Variants in ITPK1 observed in about 807,000 individuals in gnomAD.
ITPK1 encodes the protein inositol-tetrakisphosphate 1-kinase, also known as inositol 1,3,4-trisphosphate 5/6-kinase.
A neutral mutation model predicts 45.3 loss-of-function variants in ITPK1; 21 were observed. The ratio of observed to expected loss-of-function variants is 0.46; its 90% CI spans 0.33 to 0.67. The LOEUF (loss-of-function observed/expected upper bound fraction) is 0.67. Ranked by LOEUF, ITPK1 falls within the 30% of genes least tolerant of loss-of-function variation. ITPK1 has a pLI of 0.02. For missense variants in ITPK1, 474 were observed against 573.5 expected, an observed-to-expected ratio of 0.83 and a Z score of 1.77; for synonymous variants, 258 against 253.6, an observed-to-expected ratio of 1.02 and a Z score of -0.16.
intron 4 of ITPK1, among the ~76,000 whole-genome samples, chr14:92,999,130 T>G (rs1595123744): frequency 6.6e-6 from 1 of 152,358 alleles, no homozygotes; most frequent in East Asian, 1.9e-4. Flanking sequence ...CCATCTGCCC[T>G]AGGCCTGTGC....
intron 2 of ITPK1, among the ~76,000 whole-genome samples, chr14:93,099,477 C>T (rs1408902365): frequency 6.6e-6 from 1 of 152,206 alleles, no homozygotes; most frequent in Non-Finnish European, 1.5e-5. Context: ...TGTCATCCTT[C>T]TCCAGGAACT....
chr14:93,047,535 G>C (rs1464127944), intron 3 of ITPK1, among the ~76,000 whole-genome samples: 2 of 152,210 alleles, frequency 1.3e-5, no homozygotes, highest in Non-Finnish European at 2.9e-5. Flanking sequence ...CGGCCAAGTG[G>C]GGATGGAGGC....
intron 5 of ITPK1, among the ~76,000 whole-genome samples, chr14:92,981,579 G>T (rs1013373123): frequency 8.5e-5 from 13 of 152,190 alleles, no homozygotes; most frequent in Non-Finnish European, 1.9e-4. Context: ...TCTGCTCAGA[G>T]CCTCCCCCAG....
intron 2 of ITPK1, among the ~76,000 whole-genome samples, chr14:93,091,618 G>A (rs1011760497): frequency 6.6e-5 from 10 of 152,200 alleles, no homozygotes; most frequent in South Asian, 2.1e-4. Context: ...AAAATAGCAC[G>A]GTGGCTGGGC....
At chr14:93,059,330 C>G (rs1417944845) in intron 3 of ITPK1, among the ~76,000 whole-genome samples, 2 of 2,684 alleles carry the variant, frequency 7.5e-4, no homozygotes, top group African/African-American at 3.9e-3. Flanking sequence ...GGGTCCTAAG[C>G]AGGGGGGAGG....
intron 5 of ITPK1, among the ~76,000 whole-genome samples, chr14:92,991,168 G>C (rs183717544): frequency 6.6e-5 from 10 of 152,220 alleles, no homozygotes; most frequent in Non-Finnish European, 8.8e-5. Flanking sequence ...AGGGCTGAGT[G>C]CCTCCAGGAA....
chr14:92,998,667 T>C (rs980211246), intron 4 of ITPK1, among the ~76,000 whole-genome samples: 3 of 152,094 alleles, frequency 2.0e-5, no homozygotes, highest in East Asian at 3.9e-4. Flanking sequence ...TAATTTCCCA[T>C]AACACAAAGT....
chr14:93,033,753 G>T (rs1256948070), intron 3 of ITPK1, among the ~76,000 whole-genome samples: 3 of 152,214 alleles, frequency 2.0e-5, no homozygotes, highest in Non-Finnish European at 4.4e-5. Context: ...GAACCAGGGA[G>T]GGTTTCTCCT....
chr14:93,054,102 C>T (rs1251702085), intron 3 of ITPK1, among the ~76,000 whole-genome samples: 1 of 152,222 alleles, frequency 6.6e-6, no homozygotes. Context: ...ACATCCCCTC[C>T]ACCCTGTCAG....
At chr14:93,071,987 T>C (rs952742092) in intron 3 of ITPK1, 4 of 152,050 alleles carry the variant, frequency 2.6e-5, no homozygotes, top group Admixed American at 6.6e-5. Flanking sequence ...GTATAAGAAA[T>C]AACCTTTAAA....
rs927385432 is a variant in ITPK1, at chr14:93,063,393, C to G, written c.120+13202G>C. ...GGGGTGTGAGCTTCACAAGACCCCT[C>G]GAGTCATCTCAGGAGCCAGAAAACC... is the stretch of plus-strand genomic sequence containing the variant. On this transcript the variant is annotated intron_variant, in intron 3 of 10. Coordinates refer to ENST00000267615, the MANE Select transcript of ITPK1 (RefSeq NM_014216.6). The surrounding 1 kb of genome is among the most constrained non-coding windows in gnomAD (Gnocchi z 4.3). 6.6e-5 allele frequency among the ~76,000 whole-genome samples: 10 copies of G among 152,274 alleles called. No individual in the cohort carries two copies. Among genetic ancestry groups the G allele is most frequent in the African/African-American group, 2.4e-4 (10 of 41,558 alleles).
chr14:93,115,315 G>T lies in ITPK1; in HGVS notation c.-142-10C>A. 2.9e-6 allele frequency: 1 copy of T among 344,960 alleles called. No individual in the cohort carries two copies. Among genetic ancestry groups the T allele is most frequent in the South Asian group, 8.4e-5 (1 of 11,918 alleles). 21.4% of individuals were successfully genotyped at this position (344,960 alleles called of 1,614,324 possible). A position where few individuals can be genotyped will look rare whatever the true frequency, so the allele number is the denominator to read the frequency against. ...GCTGGGGCGCGCAGTCCTGCCGCGCGGAGCGGAGCGGGGCGGGGCGCGGCG... is the reference window on the plus strand; with the variant it reads ...GCTGGGGCGCGCAGTCCTGCCGCGCTGAGCGGAGCGGGGCGGGGCGCGGCG... On this transcript the variant is annotated splice_polypyrimidine_tract_variant and intron_variant, in intron 1 of 10. Transcript: ENST00000267615.
chr14:93,040,953 C>T (rs1163521608), intron 3 of ITPK1, among the ~76,000 whole-genome samples: 2 of 152,152 alleles, frequency 1.3e-5, no homozygotes, highest in East Asian at 1.9e-4. Context: ...CTCGAGGTGT[C>T]GTGCACATTC....
Position 92,941,518 on chromosome 14 carries a change from T to C in ITPK1, c.*43A>G. On this transcript the variant is annotated 3_prime_UTR_variant, in exon 11 of 11. Transcript: ENST00000267615. ...TTGGGAGCTGCTGGCCCAGCGGGTGTGCTCTGCGCCCTGCGCTGCCCCTCT... is the reference window on the plus strand; with the variant it reads ...TTGGGAGCTGCTGGCCCAGCGGGTGCGCTCTGCGCCCTGCGCTGCCCCTCT... The C allele has an allele frequency of 6.8e-7, 1 of 1,474,212 alleles. No individual in the cohort carries two copies. The highest frequency in any genetic ancestry group is 8.9e-7 in the Non-Finnish European group (1 of 1,120,562). 91.3% of individuals were successfully genotyped at this position (1,474,212 alleles called of 1,614,324 possible).
At chr14:92,986,070 C>A (rs1886471425) in intron 5 of ITPK1, among the ~76,000 whole-genome samples, 1 of 152,296 alleles carries the variant, frequency 6.6e-6, no homozygotes, top group African/African-American at 2.4e-5. Flanking sequence ...GGAGACAGCA[C>A]TGGACTGAGA....
intron 3 of ITPK1, among the ~76,000 whole-genome samples, chr14:93,062,257 C>T (rs997412134): frequency 3.4e-5 from 5 of 145,108 alleles, no homozygotes; most frequent in East Asian, 2.2e-4. Flanking sequence ...GGCGACAGAG[C>T]GAGATTCCAT....
At chr14:93,019,185 G>A (rs1211201749) in intron 3 of ITPK1, among the ~76,000 whole-genome samples, 5 of 152,158 alleles carry the variant, frequency 3.3e-5, no homozygotes, top group African/African-American at 4.8e-5. Flanking sequence ...AGGGGGAGCC[G>A]GGCCACAGGA....
At chr14:93,086,060 T>A (rs956880563) in intron 2 of ITPK1, among the ~76,000 whole-genome samples, 23 of 152,086 alleles carry the variant, frequency 1.5e-4, no homozygotes, top group African/African-American at 5.3e-4. Context: ...AGCTTCTTAA[T>A]CCCAAGAATG....
At chr14:92,967,518 CAGTTAAACAG>C (rs1334810969) in intron 5 of ITPK1, among the ~76,000 whole-genome samples, 1 of 152,162 alleles carries the variant, frequency 6.6e-6, no homozygotes, top group African/African-American at 2.4e-5. Flanking sequence ...GTTTTTCAAA[CAGTTAAACAG>C]AGTGACCATA....
Sources: gnomAD v4.1 joint callset for allele counts (sites outside exome capture counted in the v4.1 genomes callset) on GRCh38, gnomAD v4.1.1 for gene constraint, Gnocchi (gnomAD v3.1) non-coding constraint, MANE v1.5 for transcripts, NCBI Gene and HGNC (gene_info 2026-07-23, HGNC 2026-07-21) for gene names.